The following HEATR5A variants were observed in gnomAD, a reference collection of about 807,000 sequenced individuals.
HEATR5A encodes HEAT repeat-containing protein 5A.
A neutral mutation model predicts 218.8 loss-of-function variants in HEATR5A; 178 were observed. The observed-to-expected ratio is 0.81, with a 90% CI of 0.72 to 0.92. The LOEUF is 0.92. Among genes scored for constraint, HEATR5A ranks in the 40% least tolerant of loss-of-function variants. The pLI, the probability that HEATR5A is intolerant of heterozygous loss-of-function variation, is 0.00. For missense variants in HEATR5A, 2,420 were observed against 2,418.9 expected (o/e 1.00, Z -0.01); for synonymous variants, 864 against 871.6 (o/e 0.99, Z 0.15).
At chr14:31,383,126 ATGAGTTCATAC>A (rs1055954015) in intron 10 of HEATR5A, among the ~76,000 whole-genome samples, 32 of 152,304 alleles carry the variant, frequency 2.1e-4, no homozygotes, top group African/African-American at 7.7e-4. Flanking sequence ...AAAAAATAAA[ATGAGTTCATAC>A]TGACAATTTC....
At chr14:31,372,824 T>C (rs1902085688) in intron 12 of HEATR5A, among the ~76,000 whole-genome samples, 1 of 152,040 alleles carries the variant, frequency 6.6e-6, no homozygotes, top group South Asian at 2.1e-4. Flanking sequence ...TGAAACTCCG[T>C]CTCAAAAACA....
rs1167412630 is a variant in HEATR5A at position 31,409,057 on chromosome 14, A to AAAAAAAG, written c.-74-6009_-74-6008insCTTTTTT. Among the ~76,000 whole-genome samples the AAAAAAAG allele has an allele frequency of 2.4e-5, 3 of 123,540 alleles. No homozygotes were observed. In the Admixed American group the frequency reaches 2.5e-4, roughly 10 times the overall value. 81.0% of individuals were successfully genotyped at this position (123,540 alleles called of 152,430 possible). A position where few individuals can be genotyped will look rare whatever the true frequency, so the allele number is the denominator to read the frequency against. On this transcript the variant is annotated intron_variant, in intron 1 of 35. Transcript: ENST00000543095. ...GCGACAGAGCGAGACTCCGTCTCAA[A>AAAAAAAG]AAAAAAAAAAGATGGAGTCTTACCC... is the stretch of plus-strand genomic sequence containing the variant.
chr14:31,302,532 T>C lies in HEATR5A; in HGVS notation c.5240-13A>G, dbSNP rs755278786. ...ATTGAGATGCTTCCTGTAAGATACA[T>C]TTTTTAAAAACACACTGGATTTCAA... On this transcript the variant is annotated splice_polypyrimidine_tract_variant and intron_variant, in intron 32 of 35. Transcript: ENST00000543095. 4.2e-5 allele frequency: 64 copies of C among 1,520,876 alleles called. No individual in the cohort carries two copies. The highest frequency in any genetic ancestry group is 5.5e-5 in the Non-Finnish European group (61 of 1,117,736). 94.2% of individuals were successfully genotyped at this position (1,520,876 alleles called of 1,614,324 possible).
In HEATR5A at chr14:31,419,653, G is replaced by A. The variant is rs2031574642; in HGVS notation, c.-75+819C>T. The stretch of plus-strand genomic sequence containing the variant: ...TGGATAACTATGACCTTTAATGTAG[G>A]AGCTCAAGCCATTTTATTATTATCT... On this transcript the variant is annotated intron_variant, in intron 1 of 35. Coordinates refer to ENST00000543095, the MANE Select transcript of HEATR5A (RefSeq NM_015473.4). Among the ~76,000 whole-genome samples, 4 of 152,300 alleles carry A rather than the reference G, an allele frequency of 2.6e-5. No individual in the cohort carries two copies. In the South Asian group the frequency reaches 8.3e-4, roughly 32 times the overall value.
At chr14:31,334,811 T>C (rs530470400) in intron 22 of HEATR5A, among the ~76,000 whole-genome samples, 37 of 151,940 alleles carry the variant, frequency 2.4e-4, no homozygotes, top group Admixed American at 2.0e-3. Context: ...CTGGGTGTGG[T>C]GGTGGGCACC....
At chr14:31,342,102 T>C (rs1900859420) in intron 21 of HEATR5A, among the ~76,000 whole-genome samples, 1 of 152,056 alleles carries the variant, frequency 6.6e-6, no homozygotes, top group African/African-American at 2.4e-5. Context: ...TAAAGTTTTA[T>C]TGGGCTAGGC....
chr14:31,308,887 A>AAC, intron 29 of HEATR5A, 47 bp downstream of exon 29: 1 of 1,514,424 alleles, frequency 6.6e-7, no homozygotes, highest in Non-Finnish European at 8.9e-7. Context: ...AAAAAAAAAA[A>AAC]CAAAAAACCC....
chr14:31,308,986 A>ATACC lies in HEATR5A; in HGVS notation c.4637_4638insGGTA (p.Thr1547ValfsTer7). 6.2e-7 allele frequency: 1 copy of ATACC among 1,613,806 alleles called. No homozygotes were observed. The highest frequency in any genetic ancestry group is 8.5e-7 in the Non-Finnish European group (1 of 1,179,736). On this transcript the variant is annotated frameshift_variant, in exon 29 of 36. Transcript: ENST00000543095. LOFTEE classifies it high-confidence loss of function. ...AGACATCCTCAGGGGACTTTATGGT[A>ATACC]GCCCCAGATGATGAACCCTGACACA...
At chr14:31,302,751 TC>T (rs1361281200) in intron 32 of HEATR5A, 14 of 468,968 alleles carry the variant, frequency 3.0e-5, no homozygotes, top group Admixed American at 7.7e-5. Flanking sequence ...TGTGTGAGTA[TC>T]ATTATGCTTA....
intron 28 of HEATR5A, among the ~76,000 whole-genome samples, chr14:31,311,904 C>T (rs965467298): frequency 7.9e-5 from 12 of 152,102 alleles, no homozygotes; most frequent in African/African-American, 2.2e-4. Flanking sequence ...GTGTTCTTCC[C>T]CCATGGGCTG....
intron 22 of HEATR5A, among the ~76,000 whole-genome samples, chr14:31,328,035 G>A (rs2139176892): frequency 6.6e-6 from 1 of 152,220 alleles, no homozygotes; most frequent in East Asian, 1.9e-4. Context: ...TGCAATCTCT[G>A]CCTCCTGAGT....
chr14:31,409,054 CA>C (rs80055747), intron 1 of HEATR5A, among the ~76,000 whole-genome samples: 1 of 44,396 alleles, frequency 2.3e-5, no homozygotes, highest in African/African-American at 7.7e-5. Context: ...GACTCCGTCT[CA>C]AAAAAAAAAA....
intron 14 of HEATR5A, among the ~76,000 whole-genome samples, chr14:31,361,941 AATTTATTT>A (rs55748961): frequency 2.3e-3 from 345 of 149,438 alleles, no homozygotes; most frequent in East Asian, 4.1e-3. Flanking sequence ...TAAAATCAGA[AATTTATTT>A]ATTTATTTAT....
chr14:31,349,986 T>C lies in HEATR5A; in HGVS notation c.2518-7A>G, dbSNP rs182356350. 3.8e-5 allele frequency: 58 copies of C among 1,540,784 alleles called. No individual in the cohort carries two copies. The African/African-American group carries it at 5.2e-4, about 14-fold the overall frequency. Reference sequence around the variant, plus strand: ...CCTTGGAGCCAGCCACGTACTGAAATATGTAAAGAACAACCCAAACTTACA... The same window carrying C: ...CCTTGGAGCCAGCCACGTACTGAAACATGTAAAGAACAACCCAAACTTACA... On this transcript the variant is annotated splice_polypyrimidine_tract_variant and splice_region_variant and intron_variant, in intron 17 of 35. Transcript: ENST00000543095.
At position 31,349,776 on chromosome 14, in the gene HEATR5A, G is replaced by C; in HGVS notation, c.2708+13C>G. 6.3e-7 allele frequency: 1 copy of C among 1,586,228 alleles called. No homozygotes were observed. The highest frequency in any genetic ancestry group is 8.6e-7 in the Non-Finnish European group (1 of 1,156,748). ...AACATAGCCTCTGAATATTAAATAA[G>C]AAATTCACTTACTTGTCAAAGCTAA... On this transcript the variant is annotated intron_variant, in intron 18 of 35. Coordinates refer to ENST00000543095, the MANE Select transcript of HEATR5A (RefSeq NM_015473.4).
chr14:31,310,042 A>C (rs1430123892), intron 28 of HEATR5A, among the ~76,000 whole-genome samples: 2 of 152,100 alleles, frequency 1.3e-5, no homozygotes, highest in African/African-American at 4.8e-5. Flanking sequence ...TAATACCACT[A>C]ATTCTTGCCC....
rs567274964 is a variant in HEATR5A at position 31,330,864 on chromosome 14, G to A, written c.3368-4522C>T. Among the ~76,000 whole-genome samples the A allele has an allele frequency of 3.3e-5, 5 of 150,970 alleles. No individual in the cohort carries two copies. In the East Asian group the frequency reaches 9.8e-4, roughly 30 times the overall value. On this transcript the variant is annotated intron_variant, in intron 22 of 35. Coordinates refer to ENST00000543095, the MANE Select transcript of HEATR5A (RefSeq NM_015473.4). ...TGCAGTGCGCTTGAATTTCTCCCCA[G>A]AAAATGGGGTTTTCTTTTCTATCAC...
intron 1 of HEATR5A, among the ~76,000 whole-genome samples, chr14:31,413,034 C>T (rs578087993): frequency 2.0e-5 from 3 of 152,096 alleles, no homozygotes. Flanking sequence ...TAACTCGTAC[C>T]ACAAAAACTT....
Position 31,388,923 on chromosome 14 carries a change from T to C in HEATR5A, c.855A>G (p.Ser285=), listed in dbSNP as rs1256082458. ...LLGTGFLRGS[S]GFLRASGDML... ...TATCTCCACTGGCTCGAAGGAATCCTGAACTCCCACGTAGAAACCCTGTTC... is the reference window on the plus strand; with the variant it reads ...TATCTCCACTGGCTCGAAGGAATCCCGAACTCCCACGTAGAAACCCTGTTC... Residue 285 remains serine, a synonymous_variant, in exon 7 of 36, where the codon TCA becomes TCG. Coordinates refer to ENST00000543095, the MANE Select transcript of HEATR5A (RefSeq NM_015473.4). 11 of 1,613,776 alleles carry C rather than the reference T, an allele frequency of 6.8e-6. No individual in the cohort carries two copies. The highest frequency in any genetic ancestry group is 9.3e-6 in the Non-Finnish European group (11 of 1,179,786).
Sources: gnomAD v4.1 joint callset for allele counts (sites outside exome capture counted in the v4.1 genomes callset) on GRCh38, gnomAD v4.1.1 for gene constraint, MANE v1.5 for transcripts, NCBI Gene and HGNC (gene_info 2026-07-23, HGNC 2026-07-21) for gene names.